Variants in PTPRD observed in about 807,000 individuals in gnomAD.
PTPRD encodes the protein receptor-type tyrosine-protein phosphatase delta.
In PTPRD, 34 loss-of-function variants were observed where a neutral mutation model predicts 214.5. That is an observed-to-expected ratio of 0.16 (90% CI 0.12 to 0.21). The LOEUF (loss-of-function observed/expected upper bound fraction) is 0.21. PTPRD is among the 10% of genes least tolerant of loss of function. The pLI, the probability that PTPRD is intolerant of heterozygous loss-of-function variation, is 1.00. For missense variants in PTPRD, 2,545 were observed against 2,398.7 expected, an observed-to-expected ratio of 1.06 and a Z score of -1.27; for synonymous variants, 1,128 against 845.7, an observed-to-expected ratio of 1.33 and a Z score of -5.79.
chr9:10,365,601 G>T (rs925613934), intron 2 of PTPRD, among the ~76,000 whole-genome samples: 1 of 152,064 alleles, frequency 6.6e-6, no homozygotes, highest in East Asian at 1.9e-4. Flanking sequence ...AGACACTCCA[G>T]ATTATCGACT....
chr9:10,480,449 G>A (rs920094368), intron 2 of PTPRD, among the ~76,000 whole-genome samples: 1 of 152,090 alleles, frequency 6.6e-6, no homozygotes, highest in African/African-American at 2.4e-5. Context: ...GTGAGTCAAT[G>A]CAATGTTACA....
intron 10 of PTPRD, among the ~76,000 whole-genome samples, chr9:9,130,696 T>A (rs1226515485): frequency 6.6e-6 from 1 of 152,184 alleles, no homozygotes; most frequent in Non-Finnish European, 1.5e-5. Context: ...CTACTGACCT[T>A]CCTGAATTGT....
At chr9:10,300,232 C>G (rs1282446176) in intron 3 of PTPRD, among the ~76,000 whole-genome samples, 2 of 152,060 alleles carry the variant, frequency 1.3e-5, no homozygotes, top group African/African-American at 4.8e-5. Context: ...GGCAAGATGG[C>G]CGAATAGGGA....
intron 28 of PTPRD, chr9:8,485,540 C>T: frequency 1.6e-6 from 1 of 624,820 alleles, no homozygotes; most frequent in East Asian, 2.8e-5. Flanking sequence ...TTGTGTTTTC[C>T]TTACCTGAGG....
At chr9:9,310,928 A>G (rs867916012) in intron 9 of PTPRD, among the ~76,000 whole-genome samples, 12 of 145,542 alleles carry the variant, frequency 8.2e-5, no homozygotes, top group African/African-American at 1.6e-4. Context: ...CAGATAAATA[A>G]ATAAATAAAT....
At chr9:10,050,559 CAAAAAAAAAAAAAAAAA>C (rs1164243746) in intron 3 of PTPRD, among the ~76,000 whole-genome samples, 444 of 14,022 alleles carry the variant, frequency 0.032, 10 homozygotes, top group African/African-American at 0.078. Flanking sequence ...GAGTCTGTCT[CAAAAAAAAAAAAAAAAA>C]AAAAAAAAAA....
chr9:9,110,719 C>T (rs2099804872), intron 10 of PTPRD, among the ~76,000 whole-genome samples: 1 of 152,168 alleles, frequency 6.6e-6, no homozygotes, highest in African/African-American at 2.4e-5. Flanking sequence ...ATCAACTCAG[C>T]CTGTACTTTG....
chr9:9,319,967 A>T (rs969138899), intron 9 of PTPRD, among the ~76,000 whole-genome samples: 1 of 152,168 alleles, frequency 6.6e-6, no homozygotes, highest in African/African-American at 2.4e-5. Context: ...TTTTCACTTC[A>T]ATTATATCAT....
At chr9:10,042,809 T>C (rs984857743) in intron 3 of PTPRD, among the ~76,000 whole-genome samples, 1 of 152,024 alleles carries the variant, frequency 6.6e-6, no homozygotes, top group East Asian at 1.9e-4. Context: ...CAAGTAATTA[T>C]CCAGAATTTT....
chr9:10,136,381 T>C (rs2098943805), intron 3 of PTPRD, among the ~76,000 whole-genome samples: 1 of 152,002 alleles, frequency 6.6e-6, no homozygotes, highest in Non-Finnish European at 1.5e-5. Flanking sequence ...GACGAATTGT[T>C]CCTAATAGAT....
intron 3 of PTPRD, among the ~76,000 whole-genome samples, chr9:10,200,416 G>A (rs550997927): frequency 3.9e-5 from 6 of 152,056 alleles, no homozygotes; most frequent in African/African-American, 1.4e-4. Context: ...GTTAATAGAG[G>A]CCAGGAATGC....
At chr9:10,011,423 T>C (rs1041636353) in intron 4 of PTPRD, among the ~76,000 whole-genome samples, 1 of 151,930 alleles carries the variant, frequency 6.6e-6, no homozygotes, top group Admixed American at 6.6e-5. Context: ...ACAAAACAAA[T>C]AAAAGAAGAA....
chr9:10,239,062 G>C (rs77411284), intron 3 of PTPRD, among the ~76,000 whole-genome samples: 5,032 of 151,984 alleles, frequency 0.033, 214 homozygotes, highest in East Asian at 0.2. Flanking sequence ...AGTAATCTGA[G>C]TCTTAATCCT....
intron 2 of PTPRD, among the ~76,000 whole-genome samples, chr9:10,400,955 A>T (rs910670402): frequency 6.6e-6 from 1 of 151,546 alleles, no homozygotes; most frequent in Admixed American, 6.6e-5. Flanking sequence ...TTCAAAGACT[A>T]TTCATTACAA....
intron 7 of PTPRD, among the ~76,000 whole-genome samples, chr9:9,680,285 T>A (rs1295245940): frequency 6.6e-6 from 1 of 151,870 alleles, no homozygotes; most frequent in African/African-American, 2.4e-5. Flanking sequence ...AGAGGATGTT[T>A]CAAAGCTGGG....
intron 8 of PTPRD, among the ~76,000 whole-genome samples, chr9:9,549,330 A>G (rs1399731228): frequency 6.6e-6 from 1 of 152,074 alleles, no homozygotes; most frequent in Non-Finnish European, 1.5e-5. Context: ...TCTTATAACT[A>G]ATCAAAAGAC....
chr9:10,040,351 A>C (rs552372396), intron 3 of PTPRD, among the ~76,000 whole-genome samples: 93 of 152,168 alleles, frequency 6.1e-4, no homozygotes, highest in Middle Eastern at 3.4e-3. Flanking sequence ...CAATCGGTCG[A>C]AACATTTTAG....
chr9:9,958,800 C>A (rs2094144711), intron 4 of PTPRD, among the ~76,000 whole-genome samples: 1 of 152,086 alleles, frequency 6.6e-6, no homozygotes, highest in Non-Finnish European at 1.5e-5. Flanking sequence ...TGCTCAATAT[C>A]ATAAAACCTC....
intron 3 of PTPRD, among the ~76,000 whole-genome samples, chr9:10,254,749 C>T (rs2093099875): frequency 6.6e-6 from 1 of 152,100 alleles, no homozygotes; most frequent in South Asian, 2.1e-4. Context: ...GATTTTCTGT[C>T]CTGCTCAGGG....
Sources: allele counts gnomAD v4.1 joint callset (sites outside exome capture counted in the v4.1 genomes callset), GRCh38; gene constraint gnomAD v4.1.1; transcripts MANE v1.5; gene names NCBI Gene and HGNC (gene_info 2026-07-23, HGNC 2026-07-21).